The following PLB1 variants were observed in gnomAD, a reference collection of about 807,000 sequenced individuals.
PLB1 encodes the protein phospholipase B1, membrane-associated.
PLB1 carries 242 observed loss-of-function variants against 227.4 expected under a neutral mutation model. That is an observed-to-expected ratio of 1.06 (90% CI 0.96 to 1.18). PLB1 has a LOEUF of 1.18. Among genes scored for constraint, PLB1 ranks in the 50% most tolerant of loss-of-function variants. The pLI is 0.00. For synonymous variants in PLB1, 757 were observed against 682.2 expected (o/e 1.11, Z -1.71); for missense variants, 1,858 against 1,816.3 (o/e 1.02, Z -0.42).
At chr2:28,581,228 G>A (rs1679877049) in intron 23 of PLB1, among the ~76,000 whole-genome samples, 1 of 151,666 alleles carries the variant, frequency 6.6e-6, no homozygotes, top group African/African-American at 2.4e-5. Flanking sequence ...GTGTTTCACA[G>A]GACGCTCTTC....
chr2:28,526,005 CATCCTCTCTA>C, intron 6 of PLB1, 60 bp downstream of exon 6: 1 of 1,585,180 alleles, frequency 6.3e-7, no homozygotes, highest in Non-Finnish European at 8.7e-7. Flanking sequence ...AACACAGCAG[CATCCTCTCTA>C]ATAAAGAGAA....
chr2:28,497,929 G>C (rs1027004906), intron 1 of PLB1, among the ~76,000 whole-genome samples: 1 of 151,738 alleles, frequency 6.6e-6, no homozygotes, highest in Non-Finnish European at 1.5e-5. Flanking sequence ...ATGTTGGCCA[G>C]GCTGGTCTCA....
In PLB1 at chr2:28,584,309, C is replaced by T. The variant is rs536802336; in HGVS notation, c.1734-1452C>T. ...CATGCCTCACCTGGGGGACCCAAAC[C>T]GCACAGGTCCCCTGGAGAAGGCCTC... On this transcript the variant is annotated intron_variant, in intron 25 of 57. Coordinates refer to ENST00000327757, the MANE Select transcript of PLB1 (RefSeq NM_153021.5). 2.6e-5 allele frequency among the ~76,000 whole-genome samples: 4 copies of T among 152,360 alleles called. No homozygotes were observed. The East Asian group carries it at 7.7e-4, about 29-fold the overall frequency.
chr2:28,566,776 T>C lies in PLB1; in HGVS notation c.1281-20T>C, dbSNP rs10186460. On this transcript the variant is annotated intron_variant, in intron 19 of 57. Coordinates refer to ENST00000327757, the MANE Select transcript of PLB1 (RefSeq NM_153021.5). ...CTGGGATTTTAACCCTTCATTTTCTTTCTTGGACCCACGTTACAGCGTCGG... is the reference window on the plus strand; with the variant it reads ...CTGGGATTTTAACCCTTCATTTTCTCTCTTGGACCCACGTTACAGCGTCGG... The C allele has an allele frequency of 0.47, 755,346 of 1,612,360 alleles. 181,212 individuals carry two copies. Among genetic ancestry groups the C allele is most frequent in the Middle Eastern group, 0.54 (3,289 of 6,062 alleles).
At chr2:28,589,621 C>G in intron 27 of PLB1, 54 bp from the exon 28 acceptor site, 1 of 1,605,958 alleles carries the variant, frequency 6.2e-7, no homozygotes, top group Non-Finnish European at 8.5e-7. Flanking sequence ...CTGAGTGTCA[C>G]TTATATGATC....
At chr2:28,638,276 G>T (rs971210120) in intron 56 of PLB1, among the ~76,000 whole-genome samples, 1 of 152,060 alleles carries the variant, frequency 6.6e-6, no homozygotes, top group African/African-American at 2.4e-5. Flanking sequence ...AGTGAATTGA[G>T]AAGCGCATGT....
intron 32 of PLB1, among the ~76,000 whole-genome samples, chr2:28,592,990 T>C (rs916362020): frequency 1.1e-4 from 17 of 152,348 alleles, no homozygotes; most frequent in African/African-American, 4.1e-4. Context: ...TGTAAAAATA[T>C]GTCATTCTGA....
At chr2:28,548,602 A>T in intron 14 of PLB1, 1 of 538,734 alleles carries the variant, frequency 1.9e-6, no homozygotes. Context: ...TATATATATA[A>T]AACCGATGCT....
chr2:28,582,434 G>A lies in PLB1; in HGVS notation c.1662G>A (p.Thr554=), dbSNP rs559593863. 274 of 1,613,358 alleles carry A rather than the reference G, an allele frequency of 1.7e-4. 5 individuals carry two copies. The South Asian group carries it at 2.6e-3, about 15-fold the overall frequency. ...CTCGGGCATTTGTGAACCTGGTGAC[G>A]GTGCTTGAGATCGTCAACCTGAGGG... The part of the protein sequence containing the change: ...EVPRAFVNLV[T]VLEIVNLREL... Residue 554 remains threonine (T), a synonymous_variant, in exon 25 of 58, where the codon ACG becomes ACA. Transcript: ENST00000327757.
chr2:28,515,626 T>A (rs4233726), intron 1 of PLB1, among the ~76,000 whole-genome samples: 4 of 151,968 alleles, frequency 2.6e-5, no homozygotes, highest in African/African-American at 9.7e-5. Context: ...TCTAATAAAT[T>A]ATTTTCAGGG....
At chr2:28,525,774 G>A in intron 5 of PLB1, 131 bp from the exon 6 acceptor site, 1 of 1,133,780 alleles carries the variant, frequency 8.8e-7, no homozygotes, top group Non-Finnish European at 1.3e-6. Context: ...ATAACCCCTG[G>A]GAGGATAATC....
Position 28,538,394 on chromosome 2 carries a change from G to A in PLB1, c.618+13G>A. Reference sequence around the variant, plus strand: ...CCTGCAGCAGGAGGTGAGGCCACGGGCCTAGGGCTTCCCCAAGGGCAGTGG... The same window carrying A: ...CCTGCAGCAGGAGGTGAGGCCACGGACCTAGGGCTTCCCCAAGGGCAGTGG... On this transcript the variant is annotated intron_variant, in intron 10 of 57. Transcript: ENST00000327757. 5 of 1,609,692 alleles carry A rather than the reference G, an allele frequency of 3.1e-6. No homozygotes were observed. The highest frequency in any genetic ancestry group is 4.2e-6 in the Non-Finnish European group (5 of 1,178,848).
chr2:28,542,442 T>C (rs10205008), intron 13 of PLB1, among the ~76,000 whole-genome samples: 55,155 of 151,776 alleles, frequency 0.36, 10,957 homozygotes, highest in South Asian at 0.49. Context: ...AACTCTGTTC[T>C]GTAAAATCAG....
chr2:28,552,941 C>T lies in PLB1; in HGVS notation c.1097C>T (p.Ala366Val), dbSNP rs371744761. Residue 366 changes from alanine to valine, a missense_variant, in exon 17 of 58, where the codon GCG (alanine) becomes GTG (valine). Coordinates refer to ENST00000327757, the MANE Select transcript of PLB1 (RefSeq NM_153021.5). Reference sequence around the variant, plus strand: ...GTCTCATTTCAGGTAAGAGAAGGAGCGGAAATCAGATGTCCTGACAAAGAC... The same window carrying T: ...GTCTCATTTCAGGTAAGAGAAGGAGTGGAAATCAGATGTCCTGACAAAGAC... ...PQDKLEVREG[A>V]EIRCPDKDPS... The T allele has an allele frequency of 4.0e-5, 65 of 1,613,656 alleles. No homozygotes were observed. Among genetic ancestry groups the T allele is most frequent in the Admixed American group, 2.0e-4 (12 of 59,986 alleles).
intron 7 of PLB1, 61 bp from the exon 8 acceptor site, chr2:28,529,667 T>C: frequency 6.5e-7 from 1 of 1,532,872 alleles, no homozygotes; most frequent in Non-Finnish European, 9.0e-7. Context: ...AGGGGCAAGC[T>C]TCCAGCCCTT....
chr2:28,529,329 T>C lies in PLB1; in HGVS notation c.338T>C (p.Ile113Thr), dbSNP rs776726219. The C allele has an allele frequency of 1.9e-6, 3 of 1,609,372 alleles. No individual in the cohort carries two copies. Among genetic ancestry groups the C allele is most frequent in the Non-Finnish European group, 2.6e-6 (3 of 1,175,708 alleles). ...CMGVMTVLSD[I>T]IRYFSPSVPM... ...GTTCTCTCTTTAGTCCTTTCAGACA[T>C]CATCAGATATTTCAGTCCTTCTGTT... Residue 113 changes from isoleucine to threonine, a missense_variant, in exon 7 of 58, where the codon ATC becomes ACC. Ile to Thr is a moderately conservative substitution (Grantham distance 89). Transcript: ENST00000327757.
intron 8 of PLB1, among the ~76,000 whole-genome samples, chr2:28,531,621 T>C (rs1671024223): frequency 6.6e-6 from 1 of 152,220 alleles, no homozygotes; most frequent in African/African-American, 2.4e-5. Flanking sequence ...AGAGATACTT[T>C]TTATAACCTC....
intron 17 of PLB1, among the ~76,000 whole-genome samples, chr2:28,555,863 C>CTTTT (rs57277349): frequency 2.7e-4 from 35 of 128,156 alleles, no homozygotes; most frequent in East Asian, 4.4e-4. Context: ...AGTTACTTTC[C>CTTTT]TTTTTTTTTT....
At chr2:28,638,486 G>A (rs779065681) in intron 56 of PLB1, among the ~76,000 whole-genome samples, 3 of 152,108 alleles carry the variant, frequency 2.0e-5, no homozygotes, top group Non-Finnish European at 2.9e-5. Flanking sequence ...CGTGTACCCT[G>A]GACTGGAAGA....
Sources: gnomAD v4.1 joint callset for allele counts (sites outside exome capture counted in the v4.1 genomes callset) on GRCh38, gnomAD v4.1.1 for gene constraint, MANE v1.5 for transcripts, NCBI Gene and HGNC (gene_info 2026-07-23, HGNC 2026-07-21) for gene names.